The following MBIP variants were observed in gnomAD, a reference collection of about 807,000 sequenced individuals.
MBIP encodes MAP3K12-binding inhibitory protein 1.
MBIP carries 32 observed loss-of-function variants against 45.7 expected under a neutral mutation model. The observed-to-expected ratio is 0.70, with a 90% confidence interval of 0.53 to 0.94. The LOEUF (loss-of-function observed/expected upper bound fraction) is 0.94, where lower values mean the gene tolerates loss of function less well. Among genes scored for constraint, MBIP ranks in the 40% least tolerant of loss-of-function variants. MBIP has a pLI of 0.00. For missense variants in MBIP, 381 were observed against 405.5 expected, an observed-to-expected ratio of 0.94 and a Z score of 0.52; for synonymous variants, 145 against 141.0, an observed-to-expected ratio of 1.03 and a Z score of -0.20.
chr14:36,315,881 G>T (rs986285757), intron 2 of MBIP, among the ~76,000 whole-genome samples: 6 of 151,824 alleles, frequency 4.0e-5, no homozygotes, highest in African/African-American at 1.5e-4. Flanking sequence ...TCCATTGTTC[G>T]CTATACTACT....
intron 7 of MBIP, among the ~76,000 whole-genome samples, chr14:36,301,867 T>C (rs1879578630): frequency 6.6e-6 from 1 of 152,220 alleles, no homozygotes; most frequent in South Asian, 2.1e-4. Flanking sequence ...ACAAAGAAAC[T>C]GTGAATGTCC....
In MBIP at chr14:36,320,625, A is replaced by T. The variant is rs753600575; in HGVS notation, c.-37T>A. On this transcript the variant is annotated 5_prime_UTR_variant, in exon 1 of 9. Transcript: ENST00000416007. Reference sequence around the variant, plus strand: ...AGGCCGCCCCACCACCACCACCACCAAGATTTGCTCACAACCCCGCCCCCT... The same window carrying T: ...AGGCCGCCCCACCACCACCACCACCTAGATTTGCTCACAACCCCGCCCCCT... 2 of 1,569,894 alleles carry T rather than the reference A, an allele frequency of 1.3e-6. No individual in the cohort carries two copies. The highest frequency in any genetic ancestry group is 1.9e-4 in the Middle Eastern group (1 of 5,180).
intron 7 of MBIP, among the ~76,000 whole-genome samples, chr14:36,305,891 A>G (rs1450277548): frequency 6.6e-6 from 1 of 151,610 alleles, no homozygotes; most frequent in African/African-American, 2.4e-5. Context: ...TTTTTTTCCT[A>G]CTTGCATTAA....
At position 36,311,576 on chromosome 14, in the gene MBIP, T is replaced by A; in HGVS notation, c.787A>T (p.Thr263Ser). ...TGCCACTTAGCACTTTGCTTACCTG[T>A]CTGTAACCGCAAGTGGGCCTCAATA... ...QNIEAHLRLQ[T>S]GGPVPRDIYQ... Residue 263 changes from threonine (T) to serine (S), a missense_variant, in exon 6 of 9, where the codon ACA (threonine) becomes TCA (serine). Physicochemically the swap from Thr to Ser is moderately conservative, Grantham distance 58 (BLOSUM62 1). Transcript: ENST00000416007. The A allele has an allele frequency of 6.2e-7, 1 of 1,610,274 alleles. No homozygotes were observed. The highest frequency in any genetic ancestry group is 8.5e-7 in the Non-Finnish European group (1 of 1,178,120).
intron 1 of MBIP, 39 bp from the exon 2 acceptor site, chr14:36,316,851 C>T (rs1270312846): frequency 5.1e-6 from 8 of 1,577,420 alleles, no homozygotes; most frequent in African/African-American, 4.1e-5. Flanking sequence ...AAAAATTACA[C>T]GATTAAGCTC....
chr14:36,300,952 T>C, intron 7 of MBIP, 129 bp from the exon 8 acceptor site: 1 of 557,024 alleles, frequency 1.8e-6, no homozygotes, highest in South Asian at 2.7e-5. Flanking sequence ...AATTTACCAA[T>C]ACCAATTACT....
At chr14:36,304,892 A>T (rs1879780307) in intron 7 of MBIP, among the ~76,000 whole-genome samples, 1 of 152,228 alleles carries the variant, frequency 6.6e-6, no homozygotes, top group Admixed American at 6.5e-5. Flanking sequence ...TTTAGAATTC[A>T]TCTACATGTG....
chr14:36,320,350 C>T, intron 1 of MBIP, 110 bp downstream of exon 1: 1 of 1,503,076 alleles, frequency 6.7e-7, no homozygotes, highest in Non-Finnish European at 9.1e-7. Flanking sequence ...TTCGGGACCG[C>T]ATCCCACACC....
At chr14:36,300,971 C>A (rs561581634) in intron 7 of MBIP, 148 bp from the exon 8 acceptor site, 2 of 519,884 alleles carry the variant, frequency 3.8e-6, no homozygotes, top group Non-Finnish European at 6.9e-6. Flanking sequence ...CTGTCTGTAA[C>A]CAACATCTAC....
chr14:36,313,218 T>C (rs1004919953), intron 4 of MBIP: 2 of 151,736 alleles, frequency 1.3e-5, no homozygotes, highest in Non-Finnish European at 2.9e-5. Flanking sequence ...TACCATTTCA[T>C]GGGGCTAAGG....
chr14:36,320,252 CTGCAA>C (rs1880812554), intron 1 of MBIP, among the ~76,000 whole-genome samples: 1 of 152,154 alleles, frequency 6.6e-6, no homozygotes, highest in Non-Finnish European at 1.5e-5. Flanking sequence ...GGGAGGACAG[CTGCAA>C]GGTAAACGAC....
intron 1 of MBIP, chr14:36,319,643 A>T: frequency 4.9e-6 from 2 of 405,874 alleles, no homozygotes; most frequent in South Asian, 3.7e-5. Context: ...GCCCCAAAAC[A>T]AACTTTTACG....
chr14:36,312,727 T>C lies in MBIP; in HGVS notation c.572-703A>G, dbSNP rs114167267. ...ATGCATAAATTACAAAAGGGGAAAA[T>C]TGGAAAGATGTTAACATATAATACA... On this transcript the variant is annotated intron_variant, in intron 4 of 8. Coordinates refer to ENST00000416007, the MANE Select transcript of MBIP (RefSeq NM_016586.3). Among the ~76,000 whole-genome samples the C allele has an allele frequency of 8.9e-3, 1,360 of 152,164 alleles. 20 individuals are homozygous for C. Among genetic ancestry groups the C allele is most frequent in the African/African-American group, 0.031 (1,292 of 41,534 alleles).
chr14:36,306,176 CTATCTG>C (rs1004710141), intron 7 of MBIP, among the ~76,000 whole-genome samples: 11 of 152,076 alleles, frequency 7.2e-5, no homozygotes, highest in African/African-American at 2.7e-4. Flanking sequence ...CCACTCTATC[CTATCTG>C]TAACAGATCA....
chr14:36,318,735 A>G (rs1880716912), intron 1 of MBIP, among the ~76,000 whole-genome samples: 1 of 152,004 alleles, frequency 6.6e-6, no homozygotes, highest in Admixed American at 6.5e-5. Context: ...TTTCCTACTG[A>G]GGAGATCTAA....
At chr14:36,305,660 C>T (rs1879821909) in intron 7 of MBIP, among the ~76,000 whole-genome samples, 1 of 152,170 alleles carries the variant, frequency 6.6e-6, no homozygotes, top group African/African-American at 2.4e-5. Context: ...TACACAGACT[C>T]TCCCAATTGT....
At chr14:36,305,677 T>C (rs1879824316) in intron 7 of MBIP, among the ~76,000 whole-genome samples, 1 of 152,182 alleles carries the variant, frequency 6.6e-6, no homozygotes, top group Non-Finnish European at 1.5e-5. Context: ...TTGTCCCAAG[T>C]GTAAGTGCCG....
chr14:36,306,666 T>C (rs900821548), intron 7 of MBIP, among the ~76,000 whole-genome samples: 1 of 152,176 alleles, frequency 6.6e-6, no homozygotes, highest in African/African-American at 2.4e-5. Context: ...CCATACTCTA[T>C]TGTAAGATCG....
chr14:36,311,654 T>C lies in MBIP; in HGVS notation c.709A>G (p.Asn237Asp), dbSNP rs1880216682. The change falls in exon 6 of 9, where the codon AAC (asparagine) becomes GAC (aspartate). Residue 237 changes from asparagine (N) to aspartate (D), a missense_variant. Coordinates refer to ENST00000416007, the MANE Select transcript of MBIP (RefSeq NM_016586.3). Reference protein sequence around the residue: ...EGIPGSGHKPNSMLRDCGNQA... With the variant: ...EGIPGSGHKPDSMLRDCGNQA... Reference sequence around the variant, plus strand: ...TTACCACAGTCTCGAAGCATGCTGTTAGGTTTATGACCTGACCCTGGAATT... The same window carrying C: ...TTACCACAGTCTCGAAGCATGCTGTCAGGTTTATGACCTGACCCTGGAATT... 2 of 1,613,266 alleles carry C rather than the reference T, an allele frequency of 1.2e-6. No homozygotes were observed. The highest frequency in any genetic ancestry group is 8.5e-7 in the Non-Finnish European group (1 of 1,179,314).
Sources: gnomAD v4.1 joint callset for allele counts (sites outside exome capture counted in the v4.1 genomes callset) on GRCh38, gnomAD v4.1.1 for gene constraint, MANE v1.5 for transcripts, NCBI Gene and HGNC (gene_info 2026-07-23, HGNC 2026-07-21) for gene names.